The following RUNX2 variants were observed in gnomAD, a reference collection of about 807,000 sequenced individuals.
RUNX2 encodes RUNX family transcription factor 2.
Under a neutral mutation model 51.7 loss-of-function variants are expected in RUNX2, and 10 were observed. The observed-to-expected ratio is 0.19, with a 90% CI of 0.12 to 0.33. RUNX2 has a LOEUF of 0.33. Ranked by LOEUF, RUNX2 falls within the 10% of genes least tolerant of loss-of-function variation. The pLI is 1.00. For missense variants in RUNX2, 562 were observed against 691.3 expected, an observed-to-expected ratio of 0.81 and a Z score of 2.10; for synonymous variants, 276 against 273.6, an observed-to-expected ratio of 1.01 and a Z score of -0.09.
rs765856238 is a variant in RUNX2 at position 45,424,726 on chromosome 6, G to C, written c.423+1769G>C. ...CAGGTCAATTAGACCTGGTTATCTC[G>C]CTAGGACTTATATCAGAACAGAAAT... On this transcript the variant is annotated intron_variant, in intron 3 of 8. Transcript: ENST00000647337. 6.6e-5 allele frequency among the ~76,000 whole-genome samples: 10 copies of C among 152,132 alleles called. 1 individual carries two copies. Among genetic ancestry groups the C allele is most frequent in the Admixed American group, 6.5e-4 (10 of 15,272 alleles).
At chr6:45,434,883 T>C (rs894767583) in intron 4 of RUNX2, among the ~76,000 whole-genome samples, 6 of 152,174 alleles carry the variant, frequency 3.9e-5, no homozygotes, top group African/African-American at 1.2e-4. Context: ...AAGGAAATCA[T>C]GAATGCCCAC....
chr6:45,423,084 A>G (rs984698732), intron 3 of RUNX2, 127 bp downstream of exon 3: 4 of 1,250,130 alleles, frequency 3.2e-6, no homozygotes, highest in Non-Finnish European at 4.2e-6. Context: ...CTCTAACCCC[A>G]GAAACCCCCG....
intron 2 of RUNX2, among the ~76,000 whole-genome samples, chr6:45,353,766 G>T (rs1279606383): frequency 6.6e-6 from 1 of 151,738 alleles, no homozygotes; most frequent in African/African-American, 2.4e-5. Context: ...AACTATATGA[G>T]CAATGAAAAC....
At chr6:45,425,299 C>T (rs1798354253) in intron 3 of RUNX2, among the ~76,000 whole-genome samples, 1 of 152,172 alleles carries the variant, frequency 6.6e-6, no homozygotes, top group South Asian at 2.1e-4. Context: ...TTGTTTTTTG[C>T]ACTTTAGCTT....
chr6:45,498,104 A>G (rs970118820), intron 6 of RUNX2, among the ~76,000 whole-genome samples: 1 of 152,174 alleles, frequency 6.6e-6, no homozygotes, highest in Non-Finnish European at 1.5e-5. Context: ...TACAGGAAGT[A>G]AAGGCAGCTC....
At chr6:45,389,338 A>G (rs1797422170) in intron 2 of RUNX2, among the ~76,000 whole-genome samples, 1 of 152,222 alleles carries the variant, frequency 6.6e-6, no homozygotes, top group Admixed American at 6.5e-5. Context: ...GATCTGGGAG[A>G]TATCCTTTTG....
chr6:45,438,767 C>A (rs1205576508), intron 5 of RUNX2, among the ~76,000 whole-genome samples: 1 of 152,066 alleles, frequency 6.6e-6, no homozygotes, highest in Non-Finnish European at 1.5e-5. Context: ...AGGTTTGCTT[C>A]CCCCACCCCC....
chr6:45,514,159 A>G (rs1039030089), intron 7 of RUNX2, among the ~76,000 whole-genome samples: 2 of 152,120 alleles, frequency 1.3e-5, no homozygotes, highest in African/African-American at 4.8e-5. Flanking sequence ...AGCATTAGAG[A>G]CACTTAACTA....
rs1450988498 is a variant in RUNX2 at position 45,545,258 on chromosome 6, A to G, written c.1063A>G (p.Thr355Ala). 1 of 1,549,580 alleles carries G rather than the reference A, an allele frequency of 6.5e-7. No homozygotes were observed. The highest frequency in any genetic ancestry group is 1.2e-5 in the South Asian group (1 of 83,988). Reference protein sequence around the residue: ...ATSDFCLWPSTLSKKSQAGAS... With the variant: ...ATSDFCLWPSALSKKSQAGAS... ...CTCTGACTTCTGCCTCTGGCCTTCCACTCTCAGTAAGAAGAGCCAGGCAGG... is the reference window on the plus strand; with the variant it reads ...CTCTGACTTCTGCCTCTGGCCTTCCGCTCTCAGTAAGAAGAGCCAGGCAGG... The change falls in exon 8 of 9, where the codon ACT (threonine) becomes GCT (alanine). Residue 355 changes from threonine (T) to alanine (A), a missense_variant. Physicochemically the swap from Thr to Ala is moderately conservative, Grantham distance 58. Transcript: ENST00000647337.
intron 2 of RUNX2, among the ~76,000 whole-genome samples, chr6:45,350,904 C>T (rs1189467446): frequency 6.6e-6 from 1 of 152,132 alleles, no homozygotes; most frequent in African/African-American, 2.4e-5. Context: ...CCAGGCTGCA[C>T]AGCAAGAGCG....
At chr6:45,523,410 G>A (rs1801567908) in intron 7 of RUNX2, among the ~76,000 whole-genome samples, 1 of 151,748 alleles carries the variant, frequency 6.6e-6, no homozygotes, top group South Asian at 2.1e-4. Context: ...GGGATTATAG[G>A]CACCTGCCAC....
chr6:45,431,639 GA>G (rs1488035531), intron 3 of RUNX2, among the ~76,000 whole-genome samples: 1 of 152,166 alleles, frequency 6.6e-6, no homozygotes, highest in Non-Finnish European at 1.5e-5. Flanking sequence ...AACAACAAAT[GA>G]AAGAAGTTTT....
rs564063769 is a variant in RUNX2, at chr6:45,502,594, GC to G, written c.860-9647del. 3.0e-4 allele frequency among the ~76,000 whole-genome samples: 46 copies of G among 152,144 alleles called. 1 individual carries two copies. In the East Asian group the frequency reaches 4.5e-3, roughly 15 times the overall value. The stretch of plus-strand genomic sequence containing the variant: ...AGCCTGAGGCCATCTCAGGAGCCTC[GC>G]CCCCGTGATCAGCTGATGTGTGGAG... On this transcript the variant is annotated intron_variant, in intron 6 of 8. Coordinates refer to ENST00000647337, the MANE Select transcript of RUNX2 (RefSeq NM_001024630.4).
intron 7 of RUNX2, among the ~76,000 whole-genome samples, chr6:45,516,389 G>A (rs1346922304): frequency 6.6e-6 from 1 of 152,212 alleles, no homozygotes; most frequent in African/African-American, 2.4e-5. Flanking sequence ...ACAGGTGTAT[G>A]TTATGGTAAT....
At chr6:45,437,649 A>C (rs905259052) in intron 4 of RUNX2, among the ~76,000 whole-genome samples, 4 of 152,200 alleles carry the variant, frequency 2.6e-5, no homozygotes, top group Admixed American at 2.6e-4. Context: ...AACCTTCCTC[A>C]AGTGGACCAG....
chr6:45,345,396 T>C (rs1178818935), intron 2 of RUNX2, among the ~76,000 whole-genome samples: 1 of 152,196 alleles, frequency 6.6e-6, no homozygotes, highest in African/African-American at 2.4e-5. Flanking sequence ...GTATCTCTAT[T>C]CCTTTCAGGC....
chr6:45,399,349 CTTTTTTTTTTTTTTTT>C (rs398048486), intron 2 of RUNX2, among the ~76,000 whole-genome samples: 3 of 57,376 alleles, frequency 5.2e-5, no homozygotes, highest in Non-Finnish European at 6.9e-5. Context: ...CTTTTCTTTC[CTTTTTTTTTTTTTTTT>C]TTTTTTTTTT....
intron 5 of RUNX2, among the ~76,000 whole-genome samples, chr6:45,471,529 C>G (rs1173681386): frequency 6.6e-6 from 1 of 151,402 alleles, no homozygotes; most frequent in Admixed American, 6.6e-5. Flanking sequence ...ACTGCAAGCT[C>G]CGCCTCCCAG....
intron 5 of RUNX2, among the ~76,000 whole-genome samples, chr6:45,444,237 A>T (rs1227141553): frequency 1.3e-5 from 2 of 152,112 alleles, no homozygotes; most frequent in Non-Finnish European, 2.9e-5. Flanking sequence ...GACACATGTG[A>T]GTGGGTTTCT....
Sources: allele counts gnomAD v4.1 joint callset (sites outside exome capture counted in the v4.1 genomes callset), GRCh38; gene constraint gnomAD v4.1.1; transcripts MANE v1.5; gene names NCBI Gene and HGNC (gene_info 2026-07-23, HGNC 2026-07-21).